Variants in NR1D1 observed in about 807,000 individuals in gnomAD.
NR1D1 encodes Rev-ErbAalpha.
NR1D1 carries 17 observed loss-of-function variants against 51.1 expected under a neutral mutation model. The observed-to-expected ratio is 0.33, with a 90% CI of 0.23 to 0.50. The LOEUF is 0.50. NR1D1 is among the 20% of genes least tolerant of loss of function. The probability of loss-of-function intolerance (pLI) is 0.98; values close to 1 mark genes in which losing one functional copy is unlikely to be tolerated. For synonymous variants in NR1D1, 341 were observed against 333.4 expected, an observed-to-expected ratio of 1.02 and a Z score of -0.25; for missense variants, 647 against 830.4, an observed-to-expected ratio of 0.78 and a Z score of 2.71.
intron 1 of NR1D1, 47 bp downstream of exon 1, chr17:40,100,017 G>T: frequency 2.1e-6 from 3 of 1,403,912 alleles, no homozygotes; most frequent in Non-Finnish European, 3.0e-6. Context: ...AGATGGAGGT[G>T]GGGAGACAGT....
chr17:40,097,022 T>C, intron 2 of NR1D1, 43 bp downstream of exon 2: 1 of 1,538,700 alleles, frequency 6.5e-7, no homozygotes, highest in Non-Finnish European at 8.8e-7. Context: ...AATCTGGCCC[T>C]GGCCTGCTTC....
chr17:40,092,849 A>G lies in NR1D1; in HGVS notation c.*234T>C. ...ACAGAACAAATCAGAGGGCCAGGGGAGGGTTGTGGGGGAGACAGAGTGGTT... is the reference window on the plus strand; with the variant it reads ...ACAGAACAAATCAGAGGGCCAGGGGGGGGTTGTGGGGGAGACAGAGTGGTT... On this transcript the variant is annotated 3_prime_UTR_variant, in exon 8 of 8. Coordinates refer to ENST00000246672, the MANE Select transcript of NR1D1 (RefSeq NM_021724.5). 1.1e-6 allele frequency: 1 copy of G among 878,026 alleles called. No homozygotes were observed. The highest frequency in any genetic ancestry group is 1.9e-5 in the South Asian group (1 of 53,746). 54.4% of individuals were successfully genotyped at this position (878,026 alleles called of 1,614,324 possible). A position where few individuals can be genotyped will look rare whatever the true frequency, so the allele number is the denominator to read the frequency against.
In NR1D1 at chr17:40,094,033, A is replaced by G; in HGVS notation, c.1524T>C (p.Leu508=). 1.9e-6 allele frequency: 3 copies of G among 1,614,034 alleles called. No homozygotes were observed. Among genetic ancestry groups the G allele is most frequent in the Non-Finnish European group, 2.5e-6 (3 of 1,179,996 alleles). The change falls in exon 7 of 8, where the codon CTT becomes CTC. Residue 508 remains leucine (L), a synonymous_variant. Transcript: ENST00000246672. ...GCAGGTCTCCCATGCCCATGGCACC[A>G]AGCTCCTGCAGGCTGTAGGTGGTGC... ...LSRTTYSLQE[L]GAMGMGDLLS... is the part of the protein sequence containing the mutation.
chr17:40,096,365 G>A, intron 4 of NR1D1, 78 bp downstream of exon 4: 1 of 1,598,496 alleles, frequency 6.3e-7, no homozygotes, highest in Non-Finnish European at 8.6e-7. Context: ...GTCTCCATTT[G>A]TGACTTTTTT....
intron 4 of NR1D1, 28 bp from the exon 5 acceptor site, chr17:40,096,115 A>G: frequency 6.2e-7 from 1 of 1,605,142 alleles, no homozygotes; most frequent in South Asian, 1.1e-5. Context: ...CAGCATCAGG[A>G]AGTTCTCAAC....
Position 40,095,703 on chromosome 17 carries a change from C to G in NR1D1, c.989G>C (p.Arg330Pro), listed in dbSNP as rs201629615. ...SGSPPATTPH[R>P]WENQGCPPAP... ...AGGTGGGCAGCCCTGATTTTCCCAG[C>G]GATGTGGGGTGGTGGCTGGAGGGCT... Residue 330 changes from arginine to proline, a missense_variant, in exon 5 of 8, where the codon CGC becomes CCC. Physicochemically the swap from Arg to Pro is moderately radical, Grantham distance 103. Coordinates refer to ENST00000246672, the MANE Select transcript of NR1D1 (RefSeq NM_021724.5). The G allele has an allele frequency of 5.0e-6, 8 of 1,612,402 alleles. No homozygotes were observed. The highest frequency in any genetic ancestry group is 6.8e-6 in the Non-Finnish European group (8 of 1,179,032).
In NR1D1 at chr17:40,093,287, G is replaced by A; in HGVS notation, c.1646-5C>T. 2 of 1,613,586 alleles carry A rather than the reference G, an allele frequency of 1.2e-6. No individual in the cohort carries two copies. Among genetic ancestry groups the A allele is most frequent in the African/African-American group, 2.7e-5 (2 of 75,056 alleles). On this transcript the variant is annotated splice_polypyrimidine_tract_variant and splice_region_variant and intron_variant, in intron 7 of 7. Coordinates refer to ENST00000246672, the MANE Select transcript of NR1D1 (RefSeq NM_021724.5). This position sits in a 1 kb window ranked among gnomAD's most constrained non-coding sequence, Gnocchi z 5.9. ...AATTCTCCATGCCCGAGCGGTCTGT[G>A]GGGAAGACGACAGCAGTGAGGCGGA...
chr17:40,099,481 C>T (rs1987833596), intron 1 of NR1D1, among the ~76,000 whole-genome samples: 1 of 152,034 alleles, frequency 6.6e-6, no homozygotes, highest in African/African-American at 2.4e-5. Context: ...CTCCCGGCGG[C>T]CGGAGCCCTG....
At chr17:40,099,312 G>C (rs12941465) in intron 1 of NR1D1, among the ~76,000 whole-genome samples, 1 of 152,130 alleles carries the variant, frequency 6.6e-6, no homozygotes, top group Non-Finnish European at 1.5e-5. Flanking sequence ...GACAACCTAG[G>C]GGAGGAGAGA....
chr17:40,092,809 G>T lies in NR1D1; in HGVS notation c.*274C>A. 3 of 684,384 alleles carry T rather than the reference G, an allele frequency of 4.4e-6. No homozygotes were observed. Among genetic ancestry groups the T allele is most frequent in the East Asian group, 3.1e-5 (1 of 32,542 alleles). The allele number at this position is 684,384 out of a possible 1,614,324, so 42.4% of individuals were successfully genotyped here. A position where few individuals can be genotyped will look rare whatever the true frequency, so the allele number is the denominator to read the frequency against. Reference sequence around the variant, plus strand: ...GAAGCCAGCTCAGCTGTGAACTATTGGATTTGAGACAGGAACAGAACAAAT... The same window carrying T: ...GAAGCCAGCTCAGCTGTGAACTATTTGATTTGAGACAGGAACAGAACAAAT... On this transcript the variant is annotated 3_prime_UTR_variant, in exon 8 of 8. Transcript: ENST00000246672.
Position 40,095,127 on chromosome 17 carries a change from G to A in NR1D1, c.1249-7C>T, listed in dbSNP as rs201207430. ...ACATGTTCATAGGACATGCCTGGGG[G>A]AGGAAAAGATTGAAGGAGGGGAGTG... is the stretch of plus-strand genomic sequence containing the variant. On this transcript the variant is annotated splice_region_variant and splice_polypyrimidine_tract_variant and intron_variant, in intron 5 of 7. Transcript: ENST00000246672. 3.5e-4 allele frequency: 553 copies of A among 1,598,822 alleles called. No individual in the cohort carries two copies. The highest frequency in any genetic ancestry group is 4.5e-4 in the Non-Finnish European group (532 of 1,169,792).
intron 4 of NR1D1, 100 bp from the exon 5 acceptor site, chr17:40,096,187 G>C: frequency 6.7e-7 from 1 of 1,492,114 alleles, no homozygotes. Flanking sequence ...AAGGCTTGGG[G>C]TTTCACATCA....
rs753748256 is a variant in NR1D1 at position 40,097,246 on chromosome 17, G to T, written c.189C>A (p.Asp63Glu). Residue 63 changes from aspartate to glutamate, a missense_variant, in exon 2 of 8, where the codon GAC becomes GAA. Asp to Glu is a conservative substitution (Grantham distance 45, BLOSUM62 2). Transcript: ENST00000246672. ...GAATGCTCCCAAAGGAGCGAGCCGG[G>T]TCTTGGGTGAGGGAGCCAGTGGGGG... ...PPSPTGSLTQDPARSFGSIPP... is the reference protein window; with the variant it reads ...PPSPTGSLTQEPARSFGSIPP... The T allele has an allele frequency of 6.2e-7, 1 of 1,612,582 alleles. No individual in the cohort carries two copies.
In NR1D1 at chr17:40,095,123, G is replaced by T. The variant is rs1221326128; in HGVS notation, c.1249-3C>A. 3.1e-6 allele frequency: 5 copies of T among 1,599,138 alleles called. No individual in the cohort carries two copies. In the South Asian group the frequency reaches 4.4e-5, roughly 14 times the overall value. On this transcript the variant is annotated splice_region_variant and splice_polypyrimidine_tract_variant and intron_variant, in intron 5 of 7. Transcript: ENST00000246672. ...GGGTACATGTTCATAGGACATGCCT[G>T]GGGGAGGAAAAGATTGAAGGAGGGG...
chr17:40,093,318 C>G lies in NR1D1; in HGVS notation c.1646-36G>C. The stretch of plus-strand genomic sequence containing the variant: ...GACGACAGCAGTGAGGCGGACTCCC[C>G]GAGCTCCTCTGAGGAGGAACCGGAG... On this transcript the variant is annotated intron_variant, in intron 7 of 7. Transcript: ENST00000246672. The surrounding 1 kb of genome is among the most constrained non-coding windows in gnomAD (Gnocchi z 5.9). 1 of 1,613,336 alleles carries G rather than the reference C, an allele frequency of 6.2e-7. No homozygotes were observed. Among genetic ancestry groups the G allele is most frequent in the South Asian group, 1.1e-5 (1 of 91,086 alleles).
intron 2 of NR1D1, 96 bp from the exon 3 acceptor site, chr17:40,096,875 G>T: frequency 7.4e-7 from 1 of 1,353,608 alleles, no homozygotes. Context: ...GGAGGGAAAA[G>T]CTAAGGAGGA....
Position 40,100,381 on chromosome 17 carries a change from G to A in NR1D1, c.-287C>T, listed in dbSNP as rs533405168. The A allele has an allele frequency of 2.1e-5, 12 of 582,358 alleles. No homozygotes were observed. Among genetic ancestry groups the A allele is most frequent in the African/African-American group, 1.9e-4 (10 of 53,396 alleles). 36.1% of individuals were successfully genotyped at this position (582,358 alleles called of 1,614,324 possible). A position where few individuals can be genotyped will look rare whatever the true frequency, so the allele number is the denominator to read the frequency against. On this transcript the variant is annotated 5_prime_UTR_variant, in exon 1 of 8. Coordinates refer to ENST00000246672, the MANE Select transcript of NR1D1 (RefSeq NM_021724.5). ...TTCTGGCTAGAAGGTAGCAAGGAGGGTCGGGTCTCTGCAGTGTACGGGGTG... is the reference window on the plus strand; with the variant it reads ...TTCTGGCTAGAAGGTAGCAAGGAGGATCGGGTCTCTGCAGTGTACGGGGTG...
rs1258978070 is a variant in NR1D1, at chr17:40,095,951, T to A, written c.741A>T (p.Pro247=). 1 of 1,361,030 alleles carries A rather than the reference T, an allele frequency of 7.3e-7. No homozygotes were observed. The highest frequency in any genetic ancestry group is 1.6e-5 in the African/African-American group (1 of 63,632). 84.3% of individuals were successfully genotyped at this position (1,361,030 alleles called of 1,614,324 possible). The change falls in exon 5 of 8, where the codon CCA becomes CCT. Residue 247 remains proline (P), a synonymous_variant. Transcript: ENST00000246672. ...LETSPTQHPT[P]GPMGPSPPPA... is the part of the protein sequence containing the mutation. ...GGGGTGGCGAGGGGCCCATGGGGCC[T>A]GGGGTGGGGTGCTGGGTGGGTGAAG... is the stretch of plus-strand genomic sequence containing the variant.
In NR1D1 at chr17:40,100,126, T is replaced by C. The variant is rs372336526; in HGVS notation, c.-32A>G. 1.3e-6 allele frequency: 2 copies of C among 1,591,364 alleles called. No individual in the cohort carries two copies. The highest frequency in any genetic ancestry group is 4.5e-5 in the East Asian group (2 of 44,792). ...ACCAGCTGAGAGCGGTCATTCAAAC[T>C]GGACCTTGACTCAAACTAGAGGTTG... On this transcript the variant is annotated 5_prime_UTR_variant, in exon 1 of 8. Transcript: ENST00000246672.
Sources: gnomAD v4.1 joint callset for allele counts (sites outside exome capture counted in the v4.1 genomes callset) on GRCh38, gnomAD v4.1.1 for gene constraint, Gnocchi (gnomAD v3.1) non-coding constraint, MANE v1.5 for transcripts, NCBI Gene and HGNC (gene_info 2026-07-23, HGNC 2026-07-21) for gene names.